The following MARCHF1 variants were observed in gnomAD, a reference collection of about 807,000 sequenced individuals.
The protein encoded by MARCHF1 is membrane associated ring-CH-type finger 1, also known as E3 ubiquitin-protein ligase MARCHF1.
MARCHF1 carries 40 observed loss-of-function variants against 54.2 expected under a neutral mutation model. The observed-to-expected ratio is 0.74, with a 90% confidence interval of 0.57 to 0.96. The LOEUF (loss-of-function observed/expected upper bound fraction) is 0.96, where lower values mean the gene tolerates loss of function less well. Among genes scored for constraint, MARCHF1 ranks in the 40% least tolerant of loss-of-function variants. MARCHF1 has a pLI of 0.00. For synonymous variants in MARCHF1, 236 were observed against 236.3 expected, an observed-to-expected ratio of 1.00 and a Z score of 0.01; for missense variants, 586 against 656.5, an observed-to-expected ratio of 0.89 and a Z score of 1.17.
intron 5 of MARCHF1, among the ~76,000 whole-genome samples, chr4:163,632,136 G>A (rs575637629): frequency 3.9e-5 from 6 of 152,298 alleles, no homozygotes; most frequent in African/African-American, 1.2e-4. Flanking sequence ...CACTATTGGT[G>A]GGAATGTATG....
rs1327178239 is a variant in MARCHF1 at position 164,040,081 on chromosome 4, C to T, written c.-247-51372G>A. Among the ~76,000 whole-genome samples the T allele has an allele frequency of 1.1e-4, 15 of 142,338 alleles. No homozygotes were observed. In the Admixed American group the frequency reaches 1.1e-3, roughly 10 times the overall value. The allele number at this position is 142,338 out of a possible 152,430, so 93.4% of individuals were successfully genotyped here. On this transcript the variant is annotated intron_variant, in intron 2 of 9. Coordinates refer to ENST00000514618, the MANE Select transcript of MARCHF1 (RefSeq NM_001394959.1). ...CAAATTATATATTAGTATATATATG[C>T]ATATATACATATATAAGTATATTTT...
At chr4:163,708,728 A>G (rs1745021442) in intron 4 of MARCHF1, among the ~76,000 whole-genome samples, 1 of 152,152 alleles carries the variant, frequency 6.6e-6, no homozygotes, top group African/African-American at 2.4e-5. Context: ...AAAGTCATGG[A>G]AAGTTATGCA....
chr4:164,212,500 G>GT (rs898791851), intron 1 of MARCHF1, among the ~76,000 whole-genome samples: 12 of 152,020 alleles, frequency 7.9e-5, no homozygotes, highest in African/African-American at 2.7e-4. Flanking sequence ...TATATTTTCT[G>GT]TTTTTTCATG....
At chr4:163,812,261 A>G (rs1748409792) in intron 4 of MARCHF1, among the ~76,000 whole-genome samples, 2 of 150,384 alleles carry the variant, frequency 1.3e-5, no homozygotes, top group African/African-American at 2.4e-5. Flanking sequence ...ATATATAGTT[A>G]TATGTTATAT....
chr4:164,300,387 G>A (rs189759254), intron 1 of MARCHF1, among the ~76,000 whole-genome samples: 4 of 152,046 alleles, frequency 2.6e-5, no homozygotes, highest in Non-Finnish European at 4.4e-5. Context: ...CTAGGTTTCC[G>A]ATCTAGCCAT....
chr4:164,120,003 AAC>A (rs201393760), intron 1 of MARCHF1, among the ~76,000 whole-genome samples: 1,768 of 152,148 alleles, frequency 0.012, 40 homozygotes, highest in African/African-American at 0.041. Context: ...GTGAATATAT[AAC>A]AGATAACTAA....
At chr4:163,572,504 G>A (rs1459425619) in intron 8 of MARCHF1, among the ~76,000 whole-genome samples, 2 of 151,838 alleles carry the variant, frequency 1.3e-5, no homozygotes, top group African/African-American at 4.8e-5. Flanking sequence ...TGGCCTCCTA[G>A]TCAGAAGTAC....
chr4:163,800,517 T>C (rs1026652382), intron 4 of MARCHF1, among the ~76,000 whole-genome samples: 1 of 152,012 alleles, frequency 6.6e-6, no homozygotes, highest in African/African-American at 2.4e-5. Context: ...TAAGGGATAC[T>C]TAAAGTAGCT....
intron 7 of MARCHF1, among the ~76,000 whole-genome samples, chr4:163,591,379 A>G (rs12641443): frequency 0.088 from 13,400 of 151,936 alleles, 1,013 homozygotes; most frequent in African/African-American, 0.19. Flanking sequence ...TTCCTTCCCT[A>G]CAATGCTCTC....
chr4:163,775,809 C>T (rs1747289395), intron 4 of MARCHF1, among the ~76,000 whole-genome samples: 1 of 151,954 alleles, frequency 6.6e-6, no homozygotes, highest in African/African-American at 2.4e-5. Flanking sequence ...AAGAGCAGAC[C>T]AGAAATGTGA....
chr4:164,012,636 T>C (rs1389656202), intron 2 of MARCHF1, among the ~76,000 whole-genome samples: 1 of 152,006 alleles, frequency 6.6e-6, no homozygotes, highest in African/African-American at 2.4e-5. Context: ...CCAGCTATGG[T>C]GGATATGAGA....
At chr4:163,548,386 A>ACGT (rs5863616) in intron 8 of MARCHF1, among the ~76,000 whole-genome samples, 1 of 151,628 alleles carries the variant, frequency 6.6e-6, no homozygotes, top group Non-Finnish European at 1.5e-5. Context: ...TAAAATTGGG[A>ACGT]CTTCTATCTA....
At chr4:164,001,555 G>T (rs1197741830) in intron 2 of MARCHF1, among the ~76,000 whole-genome samples, 1 of 151,786 alleles carries the variant, frequency 6.6e-6, no homozygotes, top group African/African-American at 2.4e-5. Context: ...AATGGTTTTA[G>T]GCATTGTACA....
At chr4:163,725,571 T>C (rs1033270148) in intron 4 of MARCHF1, among the ~76,000 whole-genome samples, 10 of 152,176 alleles carry the variant, frequency 6.6e-5, no homozygotes, top group African/African-American at 2.4e-4. Context: ...ATTCAAGTGA[T>C]AATGAATTAT....
intron 4 of MARCHF1, among the ~76,000 whole-genome samples, chr4:163,739,000 T>C (rs186212154): frequency 6.6e-6 from 1 of 152,336 alleles, no homozygotes; most frequent in Admixed American, 6.5e-5. Context: ...AAGATTTTAT[T>C]CTTTTTGTCA....
At position 163,605,439 on chromosome 4, in the gene MARCHF1, C is replaced by T. The variant is rs575775894; in HGVS notation, c.1010+6832G>A. Among the ~76,000 whole-genome samples the T allele has an allele frequency of 5.9e-5, 9 of 152,254 alleles. No homozygotes were observed. The South Asian group carries it at 6.2e-4, about 11-fold the overall frequency. Reference sequence around the variant, plus strand: ...TGGAGAGGATGTGGAGAAATAGGAACGCTTTTACACTGTTGGTGGGAGTGT... The same window carrying T: ...TGGAGAGGATGTGGAGAAATAGGAATGCTTTTACACTGTTGGTGGGAGTGT... On this transcript the variant is annotated intron_variant, in intron 7 of 9. Coordinates refer to ENST00000514618, the MANE Select transcript of MARCHF1 (RefSeq NM_001394959.1).
chr4:164,305,793 T>C (rs1734680534), intron 1 of MARCHF1, among the ~76,000 whole-genome samples: 1 of 152,088 alleles, frequency 6.6e-6, no homozygotes, highest in African/African-American at 2.4e-5. Context: ...ATGACAAATG[T>C]TCCAGACGAA....
chr4:163,644,782 G>T (rs1370182419), intron 5 of MARCHF1, among the ~76,000 whole-genome samples: 5 of 152,168 alleles, frequency 3.3e-5, no homozygotes, highest in Non-Finnish European at 2.9e-5. Context: ...GTCCATAGAT[G>T]GTTCCAGTGT....
intron 4 of MARCHF1, among the ~76,000 whole-genome samples, chr4:163,828,412 G>A (rs1748916919): frequency 1.3e-5 from 2 of 152,010 alleles, no homozygotes; most frequent in Non-Finnish European, 1.5e-5. Context: ...CTTTTGTTCT[G>A]TGATTATCTT....
Sources: gnomAD v4.1 joint callset for allele counts (sites outside exome capture counted in the v4.1 genomes callset) on GRCh38, gnomAD v4.1.1 for gene constraint, MANE v1.5 for transcripts, NCBI Gene and HGNC (gene_info 2026-07-23, HGNC 2026-07-21) for gene names.